Variants in SDK2 observed in about 807,000 individuals in gnomAD.
SDK2 encodes protein sidekick-2.
A neutral mutation model predicts 253.9 loss-of-function variants in SDK2; 105 were observed. The observed-to-expected ratio is 0.41, with a 90% CI of 0.35 to 0.49. SDK2 has a LOEUF of 0.49. SDK2 is among the 20% of genes least tolerant of loss of function. The pLI is 0.06. For synonymous variants in SDK2, 1,249 were observed against 1,234.9 expected, an observed-to-expected ratio of 1.01 and a Z score of -0.24; for missense variants, 2,608 against 3,003.0, an observed-to-expected ratio of 0.87 and a Z score of 3.07.
At chr17:73,510,801 G>A (rs760873538) in intron 1 of SDK2, among the ~76,000 whole-genome samples, 3 of 152,202 alleles carry the variant, frequency 2.0e-5, no homozygotes, top group Non-Finnish European at 4.4e-5. Context: ...GCTTGCTAAT[G>A]TTTCAATCAT....
chr17:73,469,992 G>GCACA (rs34448667), intron 3 of SDK2, among the ~76,000 whole-genome samples: 12,213 of 126,046 alleles, frequency 0.097, 636 homozygotes, highest in African/African-American at 0.13. Context: ...GCGCGCGCGC[G>GCACA]CACACACACA....
chr17:73,408,803 T>G (rs1396724600), intron 18 of SDK2, among the ~76,000 whole-genome samples: 1 of 152,162 alleles, frequency 6.6e-6, no homozygotes, highest in East Asian at 1.9e-4. Flanking sequence ...ACTGCAATTG[T>G]GTGAACTTCA....
intron 1 of SDK2, among the ~76,000 whole-genome samples, chr17:73,560,020 G>C (rs1479819200): frequency 6.6e-6 from 1 of 152,120 alleles, no homozygotes; most frequent in Non-Finnish European, 1.5e-5. Context: ...TCACACCACG[G>C]GAAGCGGGTC....
At chr17:73,463,597 C>T (rs934816424) in intron 3 of SDK2, among the ~76,000 whole-genome samples, 4 of 152,140 alleles carry the variant, frequency 2.6e-5, no homozygotes, top group African/African-American at 4.8e-5. Flanking sequence ...TTTCCTTTCA[C>T]GTTTCCTTAC....
Position 73,423,466 on chromosome 17 carries a change from C to T in SDK2, c.1817G>A (p.Arg606Gln), listed in dbSNP as rs1466911865. The T allele has an allele frequency of 6.9e-6, 11 of 1,593,304 alleles. No individual in the cohort carries two copies. Among genetic ancestry groups the T allele is most frequent in the African/African-American group, 2.7e-5 (2 of 74,342 alleles). ...PVATLSTVER[R>Q]AINLTWTKPF... ...CTTGGTCCACGTCAGGTTGATGGCTCGCCTTTCCACGGTGCTGAGAGTGGC... is the reference window on the plus strand; with the variant it reads ...CTTGGTCCACGTCAGGTTGATGGCTTGCCTTTCCACGGTGCTGAGAGTGGC... The change falls in exon 14 of 45, where the codon CGA becomes CAA. Residue 606 changes from arginine (R) to glutamine (Q), a missense_variant. Physicochemically the swap from Arg to Gln is conservative, Grantham distance 43. Coordinates refer to ENST00000392650, the MANE Select transcript of SDK2 (RefSeq NM_001144952.2).
At chr17:73,439,362 C>A (rs1028538135) in intron 6 of SDK2, among the ~76,000 whole-genome samples, 1 of 152,124 alleles carries the variant, frequency 6.6e-6, no homozygotes, top group African/African-American at 2.4e-5. Flanking sequence ...GGCTAATACG[C>A]CATGCCTGTG....
chr17:73,588,867 G>A (rs991584060), intron 1 of SDK2, among the ~76,000 whole-genome samples: 4 of 152,242 alleles, frequency 2.6e-5, no homozygotes, highest in African/African-American at 7.2e-5. Flanking sequence ...TCTACGTGGC[G>A]CAGGTGCCAT....
intron 1 of SDK2, among the ~76,000 whole-genome samples, chr17:73,531,471 G>A (rs549218102): frequency 1.1e-4 from 17 of 152,130 alleles, no homozygotes; most frequent in South Asian, 2.1e-4. Flanking sequence ...ATAACACGGC[G>A]TCTGGTCCAC....
chr17:73,509,603 G>A (rs1351857747), intron 1 of SDK2, among the ~76,000 whole-genome samples: 2 of 145,284 alleles, frequency 1.4e-5, no homozygotes, highest in Non-Finnish European at 3.0e-5. Flanking sequence ...CAGATTGGGC[G>A]ACATGGTGAG....
At chr17:73,548,919 C>T (rs1269340313) in intron 1 of SDK2, among the ~76,000 whole-genome samples, 2 of 152,224 alleles carry the variant, frequency 1.3e-5, no homozygotes, top group East Asian at 1.9e-4. Context: ...CCCCAAGATG[C>T]GTCATCCATG....
intron 36 of SDK2, among the ~76,000 whole-genome samples, chr17:73,368,804 G>A (rs1404840930): frequency 6.6e-6 from 1 of 152,152 alleles, no homozygotes; most frequent in Non-Finnish European, 1.5e-5. Context: ...GAGGCCAGGA[G>A]TTCAAGACTA....
At position 73,341,878 on chromosome 17, in the gene SDK2, C is replaced by T. The variant is rs193235497; in HGVS notation, c.6166-2938G>A. Among the ~76,000 whole-genome samples, 432 of 152,270 alleles carry T rather than the reference C, an allele frequency of 2.8e-3. 1 individual carries two copies. The highest frequency in any genetic ancestry group is 0.01 in the African/African-American group (416 of 41,528). ...TGTATTTAGTTTTCACACCTCTGTG[C>T]GGCAGCTCCTATTGCTACCTGAGCA... is the stretch of plus-strand genomic sequence containing the variant. On this transcript the variant is annotated intron_variant, in intron 44 of 44. Transcript: ENST00000392650.
intron 1 of SDK2, among the ~76,000 whole-genome samples, chr17:73,603,028 C>A (rs1599717939): frequency 6.6e-6 from 1 of 152,156 alleles, no homozygotes; most frequent in Admixed American, 6.5e-5. Flanking sequence ...CCCAGCCAAC[C>A]TTGACACTAT....
chr17:73,466,722 C>CA lies in SDK2; in HGVS notation c.331+5389_331+5390insT, dbSNP rs1054460402. 1.2e-4 allele frequency among the ~76,000 whole-genome samples: 17 copies of CA among 145,996 alleles called. 1 individual carries two copies. In the East Asian group the frequency reaches 2.8e-3, roughly 24 times the overall value. On this transcript the variant is annotated intron_variant, in intron 3 of 44. Transcript: ENST00000392650. ...TTGGAGGCTCTGGGGAACGCCCCCC[C>CA]CCCCCGGCTTAGGCTCTGCATCTTT...
rs200215829 is a variant in SDK2 at position 73,379,434 on chromosome 17, C to T, written c.4864+14G>A. 59 of 1,585,682 alleles carry T rather than the reference C, an allele frequency of 3.7e-5. No homozygotes were observed. The highest frequency in any genetic ancestry group is 2.7e-4 in the African/African-American group (20 of 74,634). On this transcript the variant is annotated intron_variant, in intron 35 of 44. Coordinates refer to ENST00000392650, the MANE Select transcript of SDK2 (RefSeq NM_001144952.2). The surrounding 1 kb of genome is among the most constrained non-coding windows in gnomAD (Gnocchi z 4.5). ...AAAGGCATGCTGGGGCCGGACAGGG[C>T]GGGCGCTGCTCACCTGCCTCCCCAA...
intron 1 of SDK2, among the ~76,000 whole-genome samples, chr17:73,595,603 G>T (rs1364405338): frequency 6.6e-6 from 1 of 152,208 alleles, no homozygotes; most frequent in Admixed American, 6.5e-5. Context: ...CACCAGAAAG[G>T]CAGCCTGGGG....
At chr17:73,509,608 G>T (rs1051276878) in intron 1 of SDK2, among the ~76,000 whole-genome samples, 1 of 148,798 alleles carries the variant, frequency 6.7e-6, no homozygotes, top group Admixed American at 6.7e-5. Context: ...TGGGCGACAT[G>T]GTGAGACCCC....
At chr17:73,440,701 T>C (rs952430516) in intron 6 of SDK2, 111 bp downstream of exon 6, 55 of 781,380 alleles carry the variant, frequency 7.0e-5, no homozygotes, top group Non-Finnish European at 1.1e-4. Context: ...CCTCCTCCCC[T>C]GTCCTGGATC....
At chr17:73,577,101 G>T (rs1432101946) in intron 1 of SDK2, among the ~76,000 whole-genome samples, 1 of 152,190 alleles carries the variant, frequency 6.6e-6, no homozygotes, top group Non-Finnish European at 1.5e-5. Context: ...GACTGGATAT[G>T]GAGGTGTAGA....
Sources: gnomAD v4.1 joint callset for allele counts (sites outside exome capture counted in the v4.1 genomes callset) on GRCh38, gnomAD v4.1.1 for gene constraint, Gnocchi (gnomAD v3.1) non-coding constraint, MANE v1.5 for transcripts, NCBI Gene and HGNC (gene_info 2026-07-23, HGNC 2026-07-21) for gene names.